Variants in PHACTR4 observed in about 807,000 individuals in gnomAD.
PHACTR4 encodes the protein phosphatase and actin regulator 4, also known as protein phosphatase 1, regulatory subunit 124.
A neutral mutation model predicts 72.7 loss-of-function variants in PHACTR4; 51 were observed. The ratio of observed to expected loss-of-function variants is 0.70; its 90% CI spans 0.56 to 0.89. The LOEUF (loss-of-function observed/expected upper bound fraction) is 0.89. PHACTR4 is among the 40% of genes least tolerant of loss of function. The probability of loss-of-function intolerance (pLI) is 0.00; values close to 1 mark genes in which losing one functional copy is unlikely to be tolerated. For synonymous variants in PHACTR4, 255 were observed against 302.5 expected, an observed-to-expected ratio of 0.84 and a Z score of 1.63; for missense variants, 731 against 861.8, an observed-to-expected ratio of 0.85 and a Z score of 1.90.
rs568595416 is a variant in PHACTR4 at position 28,456,502 on chromosome 1, C to T, written c.17-2583C>T. 1.3e-5 allele frequency among the ~76,000 whole-genome samples: 2 copies of T among 152,124 alleles called. 1 individual carries two copies. The highest frequency in any genetic ancestry group is 4.8e-5 in the African/African-American group (2 of 41,424). On this transcript the variant is annotated intron_variant, in intron 2 of 13. Transcript: ENST00000373839. ...CTAAACTATATCAGTATGGCTCTGT[C>T]GCCCAGGCTGGAGTGCAGTGGCACG... is the stretch of plus-strand genomic sequence containing the variant.
chr1:28,462,639 T>C (rs1224826081), intron 4 of PHACTR4, among the ~76,000 whole-genome samples: 1 of 139,446 alleles, frequency 7.2e-6, no homozygotes, highest in Non-Finnish European at 1.6e-5. Context: ...GTTCTGGGAT[T>C]ATAGGCATGA....
chr1:28,457,214 GA>G, intron 2 of PHACTR4: 3 of 388,296 alleles, frequency 7.7e-6, no homozygotes, highest in Admixed American at 3.0e-5. Flanking sequence ...TCAATCAAGT[GA>G]AAAAAAGATT....
chr1:28,487,194 A>G (rs1373090053), intron 9 of PHACTR4, among the ~76,000 whole-genome samples: 1 of 151,784 alleles, frequency 6.6e-6, no homozygotes, highest in Non-Finnish European at 1.5e-5. Context: ...GTGAAACGCC[A>G]TCTCTACTAA....
intron 1 of PHACTR4, among the ~76,000 whole-genome samples, chr1:28,386,249 A>G (rs1200700728): frequency 1.3e-5 from 2 of 151,962 alleles, no homozygotes; most frequent in African/African-American, 4.8e-5. Context: ...ATGTGCCACC[A>G]ATCTTAGCAA....
intron 2 of PHACTR4, among the ~76,000 whole-genome samples, chr1:28,440,584 A>C (rs1656955022): frequency 6.6e-6 from 1 of 151,688 alleles, no homozygotes; most frequent in Admixed American, 6.6e-5. Context: ...TTTGAGGAAG[A>C]AATAGAAATC....
At chr1:28,439,079 C>T (rs1286010733) in intron 2 of PHACTR4, among the ~76,000 whole-genome samples, 5 of 152,110 alleles carry the variant, frequency 3.3e-5, no homozygotes, top group Non-Finnish European at 7.4e-5. Context: ...TCACTGCAAG[C>T]TCATTTTCCT....
intron 2 of PHACTR4, among the ~76,000 whole-genome samples, chr1:28,431,588 CTCAG>C (rs1656273028): frequency 1.3e-5 from 2 of 152,048 alleles, no homozygotes; most frequent in African/African-American, 2.4e-5. Flanking sequence ...TTACCGTGAT[CTCAG>C]TCTGTCTTTA....
At chr1:28,396,159 G>A (rs1052500189) in intron 1 of PHACTR4, among the ~76,000 whole-genome samples, 1 of 151,942 alleles carries the variant, frequency 6.6e-6, no homozygotes, top group Non-Finnish European at 1.5e-5. Context: ...AAATAGCAAA[G>A]AAAGTTATTT....
At chr1:28,480,984 A>G (rs1213920773) in intron 9 of PHACTR4, among the ~76,000 whole-genome samples, 2 of 150,994 alleles carry the variant, frequency 1.3e-5, no homozygotes, top group African/African-American at 2.4e-5. Context: ...CCCTATACCT[A>G]GTCTATATGT....
intron 8 of PHACTR4, among the ~76,000 whole-genome samples, chr1:28,479,096 G>A (rs896142076): frequency 6.6e-6 from 1 of 152,000 alleles, no homozygotes; most frequent in African/African-American, 2.4e-5. Context: ...CCAACATGGT[G>A]AAACCCCATC....
intron 2 of PHACTR4, among the ~76,000 whole-genome samples, chr1:28,434,787 C>G (rs922058530): frequency 6.6e-6 from 1 of 152,124 alleles, no homozygotes; most frequent in Non-Finnish European, 1.5e-5. Context: ...CTACCTTCGC[C>G]TGTCCAAATG....
At position 28,490,354 on chromosome 1, in the gene PHACTR4, AC is replaced by A. The variant is rs374242724; in HGVS notation, c.1817-593del. On this transcript the variant is annotated intron_variant, in intron 10 of 13. Coordinates refer to ENST00000373839, the MANE Select transcript of PHACTR4 (RefSeq NM_001048183.3). ...AGACCATCCTGGCTAACATGGTGAA[AC>A]CCCGTCTCTACTAAAAATACAAAAA... Among the ~76,000 whole-genome samples, 11 of 151,736 alleles carry A rather than the reference AC, an allele frequency of 7.2e-5. No homozygotes were observed. In the South Asian group the frequency reaches 8.4e-4, roughly 12 times the overall value.
At chr1:28,406,484 A>C (rs1654334237) in intron 1 of PHACTR4, among the ~76,000 whole-genome samples, 1 of 152,202 alleles carries the variant, frequency 6.6e-6, no homozygotes, top group Admixed American at 6.5e-5. Context: ...AAAGCAGAAA[A>C]ATTCTGATCT....
chr1:28,451,540 A>G (rs1022743081), intron 2 of PHACTR4, among the ~76,000 whole-genome samples: 9 of 151,882 alleles, frequency 5.9e-5, no homozygotes, highest in African/African-American at 1.9e-4. Context: ...CTGAGTAACT[A>G]GGACAACAGG....
At chr1:28,389,757 G>T (rs547455788) in intron 1 of PHACTR4, among the ~76,000 whole-genome samples, 1 of 152,112 alleles carries the variant, frequency 6.6e-6, no homozygotes, top group East Asian at 1.9e-4. Flanking sequence ...GATTACAGGC[G>T]TGAGCCACCG....
At chr1:28,478,455 C>T (rs569265060) in intron 8 of PHACTR4, among the ~76,000 whole-genome samples, 11 of 151,818 alleles carry the variant, frequency 7.2e-5, no homozygotes, top group African/African-American at 2.2e-4. Context: ...TTTTAATAGA[C>T]GGAGGCTCAC....
At chr1:28,491,892 G>A in intron 12 of PHACTR4, 105 bp downstream of exon 12, 1 of 1,294,732 alleles carries the variant, frequency 7.7e-7, no homozygotes, top group Non-Finnish European at 1.0e-6. Flanking sequence ...AAAACTTCTA[G>A]TTTTAATATA....
chr1:28,375,589 G>A (rs997826305), intron 1 of PHACTR4, among the ~76,000 whole-genome samples: 6 of 152,118 alleles, frequency 3.9e-5, no homozygotes, highest in Non-Finnish European at 7.4e-5. Flanking sequence ...AGGAAGCTGA[G>A]ATAGGAGGAT....
At chr1:28,447,999 T>C (rs941424557) in intron 2 of PHACTR4, among the ~76,000 whole-genome samples, 19 of 152,262 alleles carry the variant, frequency 1.2e-4, no homozygotes, top group Admixed American at 1.0e-3. Flanking sequence ...CCAATAATAA[T>C]CCTCTTTTAG....
Sources: allele counts gnomAD v4.1 joint callset (sites outside exome capture counted in the v4.1 genomes callset), GRCh38; gene constraint gnomAD v4.1.1; transcripts MANE v1.5; gene names NCBI Gene and HGNC (gene_info 2026-07-23, HGNC 2026-07-21).